DDX4: variants seen among roughly 807,000 people sequenced by gnomAD.
DDX4 encodes the protein DEAD-box helicase 4, also known as probable ATP-dependent RNA helicase DDX4.
In DDX4, 25 loss-of-function variants were observed where a neutral mutation model predicts 100.0. The ratio of observed to expected loss-of-function variants is 0.25; its 90% CI spans 0.18 to 0.35. The LOEUF (loss-of-function observed/expected upper bound fraction) is 0.35. Among genes scored for constraint, DDX4 ranks in the 10% least tolerant of loss-of-function variants. The pLI is 1.00. For synonymous variants in DDX4, 259 were observed against 275.7 expected (o/e 0.94, Z 0.60); for missense variants, 635 against 882.4 (o/e 0.72, Z 3.55).
intron 10 of DDX4, among the ~76,000 whole-genome samples, chr5:55,784,399 T>C (rs1170022656): frequency 6.6e-6 from 1 of 152,154 alleles, no homozygotes; most frequent in Non-Finnish European, 1.5e-5. Context: ...GGGTCGATCT[T>C]CTTACTCTGT....
intron 7 of DDX4, 128 bp downstream of exon 7, chr5:55,768,068 G>T: frequency 1.2e-6 from 1 of 827,764 alleles, no homozygotes; most frequent in Non-Finnish European, 2.0e-6. Context: ...TTTGGTATAT[G>T]TTTTCTGCTT....
chr5:55,758,868 TAAAAAAAA>T (rs35392036), intron 3 of DDX4, among the ~76,000 whole-genome samples: 5 of 70,320 alleles, frequency 7.1e-5, no homozygotes, highest in Admixed American at 2.7e-4. Flanking sequence ...TTTGTTTCCT[TAAAAAAAA>T]AAAAAAAAAA....
Position 55,746,205 on chromosome 5 carries a change from T to C in DDX4, c.111T>C (p.Thr37=), listed in dbSNP as rs141308424. 269 of 1,612,210 alleles carry C rather than the reference T, an allele frequency of 1.7e-4. 3 individuals carry two copies. The Middle Eastern group carries it at 5.9e-3, about 35-fold the overall frequency. ...SGENGDNFNR[T]PASSSEMDDG... Reference sequence around the variant, plus strand: ...AAAATGGAGACAATTTTAACAGGACTCCAGCTTCATCATCAGGTATGTGTT... The same window carrying C: ...AAAATGGAGACAATTTTAACAGGACCCCAGCTTCATCATCAGGTATGTGTT... Residue 37 remains threonine, a synonymous_variant, in exon 3 of 22, where the codon ACT becomes ACC. Transcript: ENST00000505374.
chr5:55,741,277 G>A (rs962783026), intron 2 of DDX4, among the ~76,000 whole-genome samples: 1 of 152,128 alleles, frequency 6.6e-6, no homozygotes, highest in Non-Finnish European at 1.5e-5. Context: ...CAATAACATA[G>A]TTTCTTCACA....
intron 13 of DDX4, among the ~76,000 whole-genome samples, 172 bp downstream of exon 13, chr5:55,786,043 G>A (rs935364203): frequency 1.5e-4 from 23 of 152,172 alleles, no homozygotes; most frequent in African/African-American, 5.3e-4. Context: ...TAATTGCTAT[G>A]TCAAAAGAGA....
At chr5:55,800,312 T>C (rs1399980691) in intron 18 of DDX4, among the ~76,000 whole-genome samples, 1 of 151,606 alleles carries the variant, frequency 6.6e-6, no homozygotes, top group Non-Finnish European at 1.5e-5. Context: ...ATTTCTAATA[T>C]AGTCACCTTA....
intron 3 of DDX4, 120 bp from the exon 4 acceptor site, chr5:55,760,080 C>T: frequency 8.5e-6 from 8 of 941,442 alleles, no homozygotes; most frequent in South Asian, 6.3e-5. Context: ...GGCTGTTTGT[C>T]ACCTTTTTTA....
At chr5:55,741,872 T>C (rs568695620) in intron 2 of DDX4, among the ~76,000 whole-genome samples, 3 of 152,318 alleles carry the variant, frequency 2.0e-5, no homozygotes, top group African/African-American at 7.2e-5. Context: ...TTCCGTTTCT[T>C]TTAAAGACAC....
At chr5:55,757,190 G>T (rs1166260543) in intron 3 of DDX4, among the ~76,000 whole-genome samples, 1 of 152,090 alleles carries the variant, frequency 6.6e-6, no homozygotes, top group Non-Finnish European at 1.5e-5. Context: ...GTGGAGATTC[G>T]TGAGATTTTG....
At chr5:55,767,485 G>T (rs142414921) in intron 6 of DDX4, among the ~76,000 whole-genome samples, 185 of 152,312 alleles carry the variant, frequency 1.2e-3, no homozygotes, top group African/African-American at 4.1e-3. Flanking sequence ...ATTATAAATA[G>T]AAGAGTCTAG....
chr5:55,752,536 G>A (rs1199026263), intron 3 of DDX4, among the ~76,000 whole-genome samples: 1 of 144,932 alleles, frequency 6.9e-6, no homozygotes, highest in South Asian at 2.2e-4. Context: ...TGGCTGCATA[G>A]TATTCCATGG....
chr5:55,745,070 G>A (rs1269100545), intron 2 of DDX4, among the ~76,000 whole-genome samples: 1 of 151,950 alleles, frequency 6.6e-6, no homozygotes, highest in African/African-American at 2.4e-5. Flanking sequence ...AGTAGAGATG[G>A]GGTTTCTCCA....
chr5:55,813,630 C>G (rs1376159214), intron 18 of DDX4, 43 bp from the exon 19 acceptor site: 2 of 1,505,064 alleles, frequency 1.3e-6, no homozygotes, highest in African/African-American at 2.8e-5. Flanking sequence ...TTTTCATTTC[C>G]TGATTTTGAA....
intron 3 of DDX4, among the ~76,000 whole-genome samples, chr5:55,753,336 A>G (rs1759693850): frequency 6.6e-6 from 1 of 152,078 alleles, no homozygotes; most frequent in African/African-American, 2.4e-5. Flanking sequence ...TCCATCTTGA[A>G]TTGATTTTTG....
At chr5:55,761,324 G>A (rs1283389599) in intron 4 of DDX4, among the ~76,000 whole-genome samples, 4 of 151,826 alleles carry the variant, frequency 2.6e-5, no homozygotes, top group East Asian at 1.9e-4. Flanking sequence ...TATTATTTAC[G>A]TATCTTTTAA....
intron 6 of DDX4, among the ~76,000 whole-genome samples, chr5:55,765,925 C>T (rs1740893667): frequency 1.3e-5 from 2 of 151,970 alleles, no homozygotes; most frequent in African/African-American, 4.8e-5. Flanking sequence ...CTGCCTCAGC[C>T]TCCTGAGTAG....
At position 55,763,071 on chromosome 5, in the gene DDX4, C is replaced by T. The variant is rs570180252; in HGVS notation, c.206-104C>T. 4.1e-6 allele frequency: 3 copies of T among 731,810 alleles called. No homozygotes were observed. In the Admixed American group the frequency reaches 6.7e-5, roughly 16 times the overall value. 45.3% of individuals were successfully genotyped at this position (731,810 alleles called of 1,614,324 possible). On this transcript the variant is annotated intron_variant, in intron 4 of 21. Coordinates refer to ENST00000505374, the MANE Select transcript of DDX4 (RefSeq NM_024415.3). ...GGTTTCTGTGCTACTCTTTTCCCAT[C>T]CTTGGAAGTCTCTTTACGCCAGAAA...
chr5:55,757,524 A>G (rs112156953), intron 3 of DDX4, among the ~76,000 whole-genome samples: 9,217 of 152,266 alleles, frequency 0.061, 390 homozygotes, highest in African/African-American at 0.12. Flanking sequence ...GGCTGGTTCC[A>G]TATTTTTGAA....
At chr5:55,788,031 A>C in intron 15 of DDX4, 31 bp downstream of exon 15, 1 of 1,551,000 alleles carries the variant, frequency 6.4e-7, no homozygotes, top group South Asian at 1.2e-5. Flanking sequence ...CTCACAAAAT[A>C]GTTTTTTCTT....
Sources: gnomAD v4.1 joint callset for allele counts (sites outside exome capture counted in the v4.1 genomes callset) on GRCh38, gnomAD v4.1.1 for gene constraint, MANE v1.5 for transcripts, NCBI Gene and HGNC (gene_info 2026-07-23, HGNC 2026-07-21) for gene names.